Variants in RXFP2 observed in about 807,000 individuals in gnomAD.
The protein encoded by RXFP2 is relaxin family peptide receptor 2.
In RXFP2, 68 loss-of-function variants were observed where a neutral mutation model predicts 88.6. The ratio of observed to expected loss-of-function variants is 0.77; its 90% CI spans 0.63 to 0.94. RXFP2 has a LOEUF of 0.94. Among genes scored for constraint, RXFP2 ranks in the 40% least tolerant of loss-of-function variants. The probability of loss-of-function intolerance (pLI) is 0.00; values close to 1 mark genes in which losing one functional copy is unlikely to be tolerated. For synonymous variants in RXFP2, 329 were observed against 306.8 expected (o/e 1.07, Z -0.76); for missense variants, 791 against 893.9 (o/e 0.88, Z 1.47).
At chr13:31,766,428 C>G (rs1322903945) in intron 5 of RXFP2, among the ~76,000 whole-genome samples, 1 of 151,920 alleles carries the variant, frequency 6.6e-6, no homozygotes, top group African/African-American at 2.4e-5. Flanking sequence ...GTACAGATAT[C>G]CCCCAGGGTG....
intron 10 of RXFP2, among the ~76,000 whole-genome samples, chr13:31,782,462 G>A (rs1380593227): frequency 6.6e-6 from 1 of 152,172 alleles, no homozygotes; most frequent in African/African-American, 2.4e-5. Flanking sequence ...CCGCACTCAG[G>A]ACCTCAAATT....
At chr13:31,799,736 C>T (rs1470503468) in intron 17 of RXFP2, among the ~76,000 whole-genome samples, 1 of 152,102 alleles carries the variant, frequency 6.6e-6, no homozygotes, top group African/African-American at 2.4e-5. Context: ...TTCTTTGAGG[C>T]TTTTTCTGTC....
intron 1 of RXFP2, 118 bp from the exon 2 acceptor site, chr13:31,758,140 G>T: frequency 1.0e-6 from 1 of 960,942 alleles, no homozygotes; most frequent in Admixed American, 1.7e-5. Context: ...AAGAAACTGT[G>T]CACTAAGAAT....
intron 2 of RXFP2, among the ~76,000 whole-genome samples, chr13:31,761,043 C>T (rs1872279128): frequency 6.6e-6 from 1 of 152,106 alleles, no homozygotes; most frequent in South Asian, 2.1e-4. Context: ...CAGCTGTGAC[C>T]TCCTGGGCTC....
chr13:31,773,408 G>A (rs1872804923), intron 5 of RXFP2, among the ~76,000 whole-genome samples: 1 of 151,412 alleles, frequency 6.6e-6, no homozygotes, highest in Non-Finnish European at 1.5e-5. Context: ...CTGATAACTG[G>A]AAGCCTGTCC....
chr13:31,764,709 C>T (rs201543893), intron 3 of RXFP2, among the ~76,000 whole-genome samples: 1 of 73,286 alleles, frequency 1.4e-5, no homozygotes, highest in Non-Finnish European at 4.0e-5. Flanking sequence ...TTAAGAATTA[C>T]TCAATCATAC....
In RXFP2 at chr13:31,739,640, C is replaced by A. The variant is rs745805886; in HGVS notation, c.28C>A (p.Leu10Ile). The A allele has an allele frequency of 4.4e-6, 7 of 1,606,824 alleles. No homozygotes were observed. In the East Asian group the frequency reaches 1.3e-4, roughly 31 times the overall value. Residue 10 changes from leucine to isoleucine, a missense_variant, in exon 1 of 18, where the codon CTC becomes ATC. Transcript: ENST00000298386. MIVFLVFKH[L>I]FSLRLITMFF... ...GATTGTTTTTCTGGTTTTTAAACAT[C>A]TCTTCAGCCTCAGATTGATTACAAT...
chr13:31,786,142 T>G lies in RXFP2; in HGVS notation c.930-241T>G, dbSNP rs1322574. ...ATGAAAGCCAGGTTGGGAATGTGTTTGAGAGAGGGTAAGAGGAAATTCCAG... is the reference window on the plus strand; with the variant it reads ...ATGAAAGCCAGGTTGGGAATGTGTTGGAGAGAGGGTAAGAGGAAATTCCAG... On this transcript the variant is annotated intron_variant, in intron 11 of 17. Transcript: ENST00000298386. 0.6 allele frequency among the ~76,000 whole-genome samples: 91,611 copies of G among 152,000 alleles called. 27,772 individuals carry two copies. The highest frequency in any genetic ancestry group is 0.77 in the East Asian group (3,972 of 5,170).
In RXFP2 at chr13:31,802,626, T is replaced by C; in HGVS notation, c.*221T>C. The C allele has an allele frequency of 1.8e-6, 1 of 562,842 alleles. No homozygotes were observed. Among genetic ancestry groups the C allele is most frequent in the Non-Finnish European group, 3.2e-6 (1 of 313,476 alleles). 34.9% of individuals were successfully genotyped at this position (562,842 alleles called of 1,614,324 possible). Reference sequence around the variant, plus strand: ...GGTTCCTCTCCTCACCCCACATGCCTGAAAAGCACATGTGAATTCGTGTAT... The same window carrying C: ...GGTTCCTCTCCTCACCCCACATGCCCGAAAAGCACATGTGAATTCGTGTAT... On this transcript the variant is annotated 3_prime_UTR_variant, in exon 18 of 18. Coordinates refer to ENST00000298386, the MANE Select transcript of RXFP2 (RefSeq NM_130806.5).
chr13:31,794,556 C>T (rs1354091128), intron 16 of RXFP2, among the ~76,000 whole-genome samples: 1 of 152,168 alleles, frequency 6.6e-6, no homozygotes, highest in African/African-American at 2.4e-5. Context: ...TCAACATGTC[C>T]TCACATCACA....
chr13:31,742,973 T>C (rs1260036860), intron 1 of RXFP2, among the ~76,000 whole-genome samples: 1 of 152,174 alleles, frequency 6.6e-6, no homozygotes, highest in African/African-American at 2.4e-5. Context: ...AGTAGTGGCA[T>C]TAGAGGCCTA....
chr13:31,761,824 C>T (rs1463121093), intron 3 of RXFP2, 23 bp downstream of exon 3: 2 of 1,492,702 alleles, frequency 1.3e-6, no homozygotes, highest in East Asian at 2.3e-5. Flanking sequence ...GATTCAAAGA[C>T]AGTATCAGCT....
At chr13:31,753,765 C>T (rs1320773512) in intron 1 of RXFP2, among the ~76,000 whole-genome samples, 1 of 151,770 alleles carries the variant, frequency 6.6e-6, no homozygotes, top group Non-Finnish European at 1.5e-5. Flanking sequence ...AAATCTGCTG[C>T]TTTGGGAAGC....
At chr13:31,748,861 G>T (rs762007941) in intron 1 of RXFP2, among the ~76,000 whole-genome samples, 1 of 152,126 alleles carries the variant, frequency 6.6e-6, no homozygotes, top group Admixed American at 6.6e-5. Context: ...GCTGGGCGTG[G>T]TGTTGTGCAC....
chr13:31,770,970 A>G (rs1481827762), intron 5 of RXFP2, among the ~76,000 whole-genome samples: 1 of 152,198 alleles, frequency 6.6e-6, no homozygotes, highest in Non-Finnish European at 1.5e-5. Flanking sequence ...GGGAGAAGAA[A>G]GAAACATAAG....
At chr13:31,762,675 A>C (rs1872355306) in intron 3 of RXFP2, among the ~76,000 whole-genome samples, 1 of 152,162 alleles carries the variant, frequency 6.6e-6, no homozygotes, top group Non-Finnish European at 1.5e-5. Context: ...CAAATACTAC[A>C]CTGATAGTAT....
rs1438456032 is a variant in RXFP2 at position 31,802,168 on chromosome 13, G to T, written c.2028G>T (p.Val676=). Residue 676 remains valine, a synonymous_variant, in exon 18 of 18, where the codon GTG becomes GTT. Coordinates refer to ENST00000298386, the MANE Select transcript of RXFP2 (RefSeq NM_130806.5). ...CAGACACAATGACTTCCTGGATAGT[G>T]ATTTTTTTCCTTCCAGTTAACAGTG... ...EIPDTMTSWI[V]IFFLPVNSAL... is the part of the protein sequence containing the mutation. 1 of 1,613,826 alleles carries T rather than the reference G, an allele frequency of 6.2e-7. No homozygotes were observed. The highest frequency in any genetic ancestry group is 2.2e-5 in the East Asian group (1 of 44,868).
At chr13:31,756,479 C>G (rs547017090) in intron 1 of RXFP2, among the ~76,000 whole-genome samples, 1 of 152,240 alleles carries the variant, frequency 6.6e-6, no homozygotes, top group African/African-American at 2.4e-5. Flanking sequence ...CAAGGGAATT[C>G]TGGGTCATGA....
At chr13:31,795,778 G>T (rs1003216917) in intron 16 of RXFP2, among the ~76,000 whole-genome samples, 4 of 152,078 alleles carry the variant, frequency 2.6e-5, no homozygotes, top group Non-Finnish European at 5.9e-5. Flanking sequence ...TGAGAAATGA[G>T]ATGATCACTC....
Sources: gnomAD v4.1 joint callset for allele counts (sites outside exome capture counted in the v4.1 genomes callset) on GRCh38, gnomAD v4.1.1 for gene constraint, MANE v1.5 for transcripts, NCBI Gene and HGNC (gene_info 2026-07-23, HGNC 2026-07-21) for gene names.